Variants in JPH2 observed in about 807,000 individuals in gnomAD.
JPH2 encodes junctophilin-2.
JPH2 carries 38 observed loss-of-function variants against 55.9 expected under a neutral mutation model. The ratio of observed to expected loss-of-function variants is 0.68; its 90% CI spans 0.52 to 0.89. The LOEUF (loss-of-function observed/expected upper bound fraction) is 0.89, where lower values mean the gene tolerates loss of function less well. Among genes scored for constraint, JPH2 ranks in the 40% least tolerant of loss-of-function variants. The probability of loss-of-function intolerance (pLI) is 0.00; values close to 1 mark genes in which losing one functional copy is unlikely to be tolerated. For missense variants in JPH2, 964 were observed against 1,037.6 expected, an observed-to-expected ratio of 0.93 and a Z score of 0.97; for synonymous variants, 480 against 472.4, an observed-to-expected ratio of 1.02 and a Z score of -0.21.
In JPH2 at chr20:44,110,195, C is replaced by A. The variant is rs931144310; in HGVS notation, c.*3323G>T. ...CCAAAGTGAGTTCAATACAGCCACC[C>A]CTGCCCCCAACTCATCCAACACACA... On this transcript the variant is annotated 3_prime_UTR_variant, in exon 6 of 6. Coordinates refer to ENST00000372980, the MANE Select transcript of JPH2 (RefSeq NM_020433.5). Among the ~76,000 whole-genome samples, 3 of 152,018 alleles carry A rather than the reference C, an allele frequency of 2.0e-5. No individual in the cohort carries two copies. Among genetic ancestry groups the A allele is most frequent in the African/African-American group, 7.2e-5 (3 of 41,390 alleles).
At chr20:44,117,233 C>T (rs1376540485) in intron 3 of JPH2, among the ~76,000 whole-genome samples, 3 of 152,152 alleles carry the variant, frequency 2.0e-5, no homozygotes, top group Non-Finnish European at 2.9e-5. Flanking sequence ...GAGCTGAGAT[C>T]GCGCCACTGC....
intron 1 of JPH2, among the ~76,000 whole-genome samples, chr20:44,185,456 T>A (rs2072827117): frequency 1.2e-5 from 1 of 82,806 alleles, no homozygotes; most frequent in Non-Finnish European, 2.3e-5. Flanking sequence ...AAGCCCTGTC[T>A]CTACAAAAAA....
rs73908584 is a variant in JPH2, at chr20:44,161,782, T to G, written c.380-1375A>C. Among the ~76,000 whole-genome samples, 370 of 152,226 alleles carry G rather than the reference T, an allele frequency of 2.4e-3. 6 individuals are homozygous for G. The highest frequency in any genetic ancestry group is 8.4e-3 in the African/African-American group (350 of 41,546). On this transcript the variant is annotated intron_variant, in intron 1 of 5. Transcript: ENST00000372980. ...CCTGACATGTAGTTCTCCCCAGGGC[T>G]CATCCAAAAACCTTCTCCTATTCTC...
At chr20:44,118,400 G>A (rs945986680) in intron 3 of JPH2, 105 bp downstream of exon 3, 42 of 889,316 alleles carry the variant, frequency 4.7e-5, no homozygotes, top group Non-Finnish European at 6.9e-5. Context: ...TGAGACTCAC[G>A]GGCATCCAGG....
chr20:44,120,474 T>G (rs2072227482), intron 2 of JPH2, among the ~76,000 whole-genome samples: 1 of 152,184 alleles, frequency 6.6e-6, no homozygotes, highest in South Asian at 2.1e-4. Flanking sequence ...ATGAAGATTA[T>G]CTCATATGCT....
chr20:44,127,797 T>C (rs1157620676), intron 2 of JPH2, among the ~76,000 whole-genome samples: 1 of 152,094 alleles, frequency 6.6e-6, no homozygotes, highest in Non-Finnish European at 1.5e-5. Flanking sequence ...CCATCCTTCG[T>C]TTTGATTGTT....
chr20:44,162,789 C>CACACAT (rs2072623905), intron 1 of JPH2, among the ~76,000 whole-genome samples: 1 of 46,030 alleles, frequency 2.2e-5, no homozygotes, highest in African/African-American at 8.2e-5. Flanking sequence ...TATATATATA[C>CACACAT]ACACACACAC....
At chr20:44,167,103 C>A (rs545861174) in intron 1 of JPH2, among the ~76,000 whole-genome samples, 2 of 152,232 alleles carry the variant, frequency 1.3e-5, no homozygotes, top group Non-Finnish European at 2.9e-5. Flanking sequence ...TTGGCTTAAA[C>A]GTGATTTCAT....
intron 2 of JPH2, among the ~76,000 whole-genome samples, chr20:44,142,873 T>C (rs2072467720): frequency 1.3e-5 from 2 of 152,168 alleles, no homozygotes; most frequent in African/African-American, 4.8e-5. Context: ...CATTACAGTG[T>C]GTTTAAGGCC....
intron 1 of JPH2, among the ~76,000 whole-genome samples, chr20:44,173,825 A>C (rs2072714678): frequency 6.6e-6 from 1 of 152,168 alleles, no homozygotes; most frequent in African/African-American, 2.4e-5. Context: ...GAGGCAGAGA[A>C]TTGCTTGAAC....
At chr20:44,128,448 A>C (rs1371554398) in intron 2 of JPH2, among the ~76,000 whole-genome samples, 1 of 152,180 alleles carries the variant, frequency 6.6e-6, no homozygotes, top group Admixed American at 6.5e-5. Flanking sequence ...AGAGTCTGCT[A>C]AGAGAGACAA....
In JPH2 at chr20:44,159,755, G is replaced by A. The variant is rs1413623891; in HGVS notation, c.1032C>T (p.Asn344=). The A allele has an allele frequency of 2.5e-6, 4 of 1,613,564 alleles. No homozygotes were observed. Among genetic ancestry groups the A allele is most frequent in the South Asian group, 2.2e-5 (2 of 91,090 alleles). ...GHREEGKYRH[N]VLVKDTKRRM... is the part of the protein sequence containing the mutation. ...GGCGCTTGGTGTCCTTGACCAGCAC[G>A]TTGTGGCGGTACTTGCCCTCCTCGC... The change falls in exon 2 of 6, where the codon AAC becomes AAT. Residue 344 remains asparagine (N), a synonymous_variant. Transcript: ENST00000372980. The surrounding 1 kb of genome is among the most constrained non-coding windows in gnomAD (Gnocchi z 5.7).
At position 44,157,761 on chromosome 20, in the gene JPH2, A is replaced by C. The variant is rs201035111; in HGVS notation, c.1169+1857T>G. 2.0e-5 allele frequency among the ~76,000 whole-genome samples: 3 copies of C among 152,340 alleles called. No homozygotes were observed. The East Asian group carries it at 5.8e-4, about 29-fold the overall frequency. ...CTGCCCACATCAACGAGCTAAAAAA[A>C]TGGCAAGGCCAGGATTTGGCCCTAG... On this transcript the variant is annotated intron_variant, in intron 2 of 5. Coordinates refer to ENST00000372980, the MANE Select transcript of JPH2 (RefSeq NM_020433.5).
At chr20:44,153,177 G>A (rs2072543278) in intron 2 of JPH2, among the ~76,000 whole-genome samples, 1 of 152,100 alleles carries the variant, frequency 6.6e-6, no homozygotes, top group Non-Finnish European at 1.5e-5. Flanking sequence ...TTCATTCTTG[G>A]GTTAGTACAG....
chr20:44,130,203 G>A (rs2072307882), intron 2 of JPH2, among the ~76,000 whole-genome samples: 1 of 152,162 alleles, frequency 6.6e-6, no homozygotes, highest in Non-Finnish European at 1.5e-5. Flanking sequence ...GTTGGCTTGA[G>A]CCCAAACCCA....
chr20:44,124,969 CACGGTGGTGCGCACCT>C (rs11274616), intron 2 of JPH2, among the ~76,000 whole-genome samples: 14,510 of 152,058 alleles, frequency 0.095, 791 homozygotes, highest in African/African-American at 0.14. Context: ...ATCAGCTGGG[CACGGTGGTGCGCACCT>C]GTAGTCCCAG....
intron 1 of JPH2, among the ~76,000 whole-genome samples, chr20:44,162,071 C>T (rs2072614314): frequency 6.6e-6 from 1 of 152,178 alleles, no homozygotes. Context: ...TTTGTACCTC[C>T]ACCATGTAGA....
chr20:44,150,353 T>C (rs1396200506), intron 2 of JPH2, among the ~76,000 whole-genome samples: 1 of 152,234 alleles, frequency 6.6e-6, no homozygotes, highest in Non-Finnish European at 1.5e-5. Flanking sequence ...AATTGTACAC[T>C]GAAAGCTATA....
Position 44,169,700 on chromosome 20 carries a change from C to T in JPH2, c.380-9293G>A, listed in dbSNP as rs537257168. Among the ~76,000 whole-genome samples, 15 of 152,194 alleles carry T rather than the reference C, an allele frequency of 9.9e-5. 1 individual carries two copies. Among genetic ancestry groups the T allele is most frequent in the African/African-American group, 3.1e-4 (13 of 41,536 alleles). On this transcript the variant is annotated intron_variant, in intron 1 of 5. Coordinates refer to ENST00000372980, the MANE Select transcript of JPH2 (RefSeq NM_020433.5). ...GGAAGATCAGTGTGCCTCGGTGCTA[C>T]GGTTTAATGTTTGTCCCCCTAAAAA...
Sources: allele counts gnomAD v4.1 joint callset (sites outside exome capture counted in the v4.1 genomes callset), GRCh38; gene constraint gnomAD v4.1.1; non-coding constraint Gnocchi (gnomAD v3.1); transcripts MANE v1.5; gene names NCBI Gene and HGNC (gene_info 2026-07-23, HGNC 2026-07-21).